CHLSN: variants seen among roughly 807,000 people sequenced by gnomAD.
CHLSN encodes the protein protein cholesin.
chr7:1,040,018 C>G, the CHLSN span, among the ~76,000 whole-genome samples: 2 of 128,050 alleles, frequency 1.6e-5, no homozygotes, highest in African/African-American at 2.8e-5. Flanking sequence ...CTCAAGTAAT[C>G]AGGGACACAA....
chr7:1,057,005 G>A, the CHLSN span, among the ~76,000 whole-genome samples: 167 of 152,100 alleles, frequency 1.1e-3, no homozygotes, highest in Non-Finnish European at 2.1e-3. Context: ...CCTCCCTGGA[G>A]CCCAGGCTCT....
chr7:1,133,392 C>CAAAAAAAAAAA, the CHLSN span, among the ~76,000 whole-genome samples: 5 of 91,106 alleles, frequency 5.5e-5, no homozygotes, highest in East Asian at 9.4e-4. Flanking sequence ...CGATATACTG[C>CAAAAAAAAAAA]AAAAAAAAAA....
the CHLSN span, among the ~76,000 whole-genome samples, chr7:1,063,797 C>T: frequency 1.3e-5 from 2 of 152,220 alleles, no homozygotes; most frequent in Non-Finnish European, 2.9e-5. Context: ...GATGTAAGGT[C>T]CTTCCTGGTT....
At chr7:1,096,394 G>C in the CHLSN span, among the ~76,000 whole-genome samples, 9 of 152,216 alleles carry the variant, frequency 5.9e-5, 1 homozygote, top group Non-Finnish European at 8.8e-5. This position sits in a 1 kb window ranked among gnomAD's most constrained non-coding sequence, Gnocchi z 4.6. Flanking sequence ...CCACGCAGTA[G>C]AGCCAGCCTT....
At chr7:1,041,896 GCTGAC>G in the CHLSN span, among the ~76,000 whole-genome samples, 1 of 152,034 alleles carries the variant, frequency 6.6e-6, no homozygotes, top group Non-Finnish European at 1.5e-5. Context: ...GTGGCGTGCA[GCTGAC>G]CTTCCGGACC....
chr7:1,124,390 G>A, the CHLSN span, among the ~76,000 whole-genome samples: 2,564 of 151,556 alleles, frequency 0.017, 93 homozygotes, highest in East Asian at 0.17. Context: ...CCAGGGTGAC[G>A]CCGCGCCCAC....
the CHLSN span, among the ~76,000 whole-genome samples, chr7:1,126,238 G>A: frequency 5.3e-5 from 8 of 151,222 alleles, no homozygotes; most frequent in Non-Finnish European, 1.2e-4. Context: ...GTAGGCGCCT[G>A]TAGTCCCAGC....
the CHLSN span, among the ~76,000 whole-genome samples, chr7:1,131,280 C>A: frequency 1.3e-5 from 2 of 151,926 alleles, no homozygotes; most frequent in East Asian, 3.9e-4. Context: ...TGGAAAGGGC[C>A]TGGCAGCATT....
At chr7:1,070,463 A>G in the CHLSN span, among the ~76,000 whole-genome samples, 1 of 151,568 alleles carries the variant, frequency 6.6e-6, no homozygotes, top group South Asian at 2.1e-4. Flanking sequence ...CGGCCAGCAC[A>G]CATGCACGCA....
At chr7:1,100,495 G>A in the CHLSN span, among the ~76,000 whole-genome samples, 77 of 152,362 alleles carry the variant, frequency 5.1e-4, 2 homozygotes, top group Non-Finnish European at 2.9e-5. Context: ...TTCTGTCTGA[G>A]CCTGGGGAGG....
At chr7:1,052,535 G>A in the CHLSN span, among the ~76,000 whole-genome samples, 1 of 152,152 alleles carries the variant, frequency 6.6e-6, no homozygotes, top group East Asian at 1.9e-4. This position sits in a 1 kb window ranked among gnomAD's most constrained non-coding sequence, Gnocchi z 4.2. Flanking sequence ...GGAAGAAGTG[G>A]GGGAGCCAGG....
At chr7:1,134,967 C>T in the CHLSN span, among the ~76,000 whole-genome samples, 3 of 152,140 alleles carry the variant, frequency 2.0e-5, no homozygotes, top group Non-Finnish European at 2.9e-5. Context: ...GGCTTTTGCC[C>T]CAAACACCCT....
At chr7:1,039,531 G>A in the CHLSN span, among the ~76,000 whole-genome samples, 8 of 50,252 alleles carry the variant, frequency 1.6e-4, no homozygotes, top group East Asian at 2.8e-3. Context: ...CAGCCGCCCC[G>A]TCCGGGAGGG....
the CHLSN span, among the ~76,000 whole-genome samples, chr7:1,010,627 T>TG: frequency 6.6e-6 from 1 of 152,048 alleles, no homozygotes; most frequent in Non-Finnish European, 1.5e-5. Flanking sequence ...TGGCTCCCCC[T>TG]GGGCTGCAGG....
chr7:994,699 C>A, the CHLSN span, among the ~76,000 whole-genome samples: 2 of 152,200 alleles, frequency 1.3e-5, no homozygotes, highest in Non-Finnish European at 2.9e-5. Flanking sequence ...CTCTGCCTCC[C>A]AAAGTGCTGA....
the CHLSN span, among the ~76,000 whole-genome samples, chr7:1,115,294 C>T: frequency 6.6e-6 from 1 of 152,228 alleles, no homozygotes; most frequent in African/African-American, 2.4e-5. Context: ...AGATGAGAAA[C>T]GGCCCCGGCC....
chr7:1,104,572 C>A, the CHLSN span, among the ~76,000 whole-genome samples: 6 of 152,186 alleles, frequency 3.9e-5, no homozygotes, highest in Non-Finnish European at 5.9e-5. Context: ...TCCCGAGGGG[C>A]CCATGCAGCT....
At chr7:1,108,971 A>G in the CHLSN span, among the ~76,000 whole-genome samples, 13 of 144,654 alleles carry the variant, frequency 9.0e-5, 1 homozygote, top group Admixed American at 9.4e-4. Context: ...AACTCGGCTC[A>G]CTGCAACTCT....
chr7:1,136,319 CATAAAT>C, the CHLSN span, among the ~76,000 whole-genome samples: 1 of 84,102 alleles, frequency 1.2e-5, no homozygotes, highest in African/African-American at 6.7e-5. Flanking sequence ...TATATATAAA[CATAAAT>C]ATATAAATAT....
Sources: gnomAD v4.1 joint callset for allele counts (sites outside exome capture counted in the v4.1 genomes callset) on GRCh38, gnomAD v4.1.1 for gene constraint, Gnocchi (gnomAD v3.1) non-coding constraint, MANE v1.5 for transcripts, NCBI Gene and HGNC (gene_info 2026-07-23, HGNC 2026-07-21) for gene names.